The following EVI5 variants were observed in gnomAD, a reference collection of about 807,000 sequenced individuals.
EVI5 encodes the protein ecotropic viral integration site 5.
Under a neutral mutation model 112.0 loss-of-function variants are expected in EVI5, and 73 were observed. The observed-to-expected ratio is 0.65, with a 90% CI of 0.54 to 0.79. EVI5 has a LOEUF of 0.79. EVI5 is among the 30% of genes least tolerant of loss of function. EVI5 has a pLI of 0.00. For synonymous variants in EVI5, 305 were observed against 319.9 expected, an observed-to-expected ratio of 0.95 and a Z score of 0.50; for missense variants, 900 against 968.8, an observed-to-expected ratio of 0.93 and a Z score of 0.94.
chr1:92,545,249 T>A (rs1267495204), intron 19 of EVI5, among the ~76,000 whole-genome samples: 7 of 152,100 alleles, frequency 4.6e-5, no homozygotes, highest in Non-Finnish European at 8.8e-5. Context: ...ATTAATTAAT[T>A]TTTTAAAAGA....
intron 16 of EVI5, among the ~76,000 whole-genome samples, chr1:92,613,765 A>T (rs1453066985): frequency 4.0e-5 from 6 of 151,660 alleles, no homozygotes; most frequent in Admixed American, 1.3e-4. Flanking sequence ...ATTTTTAAAA[A>T]TTTTTATACA....
intron 1 of EVI5, among the ~76,000 whole-genome samples, chr1:92,775,891 G>C (rs1459383306): frequency 6.6e-6 from 1 of 152,116 alleles, no homozygotes; most frequent in Admixed American, 6.6e-5. Context: ...GGTGGATCAC[G>C]AGGTCAGGAG....
intron 9 of EVI5, among the ~76,000 whole-genome samples, chr1:92,687,775 CAT>C (rs1466947642): frequency 1.3e-5 from 2 of 152,182 alleles, no homozygotes; most frequent in South Asian, 2.1e-4. Context: ...AGCCAACAGA[CAT>C]GTGATAAAAT....
At chr1:92,738,817 A>C (rs1677868515) in intron 1 of EVI5, among the ~76,000 whole-genome samples, 1 of 152,080 alleles carries the variant, frequency 6.6e-6, no homozygotes, top group Admixed American at 6.6e-5. Flanking sequence ...TTTTTCCTTT[A>C]ATTTTACTTT....
At chr1:92,680,880 T>A (rs1231807076) in intron 9 of EVI5, among the ~76,000 whole-genome samples, 1 of 152,150 alleles carries the variant, frequency 6.6e-6, no homozygotes, top group Non-Finnish European at 1.5e-5. Flanking sequence ...GTACACTCTT[T>A]AAATATATCA....
intron 19 of EVI5, among the ~76,000 whole-genome samples, chr1:92,540,028 T>C (rs1269218357): frequency 6.6e-6 from 1 of 152,204 alleles, no homozygotes; most frequent in African/African-American, 2.4e-5. Context: ...AGCACTTGAT[T>C]CCTTTTATTG....
chr1:92,553,337 C>G (rs1210858184), intron 19 of EVI5, among the ~76,000 whole-genome samples: 2 of 131,128 alleles, frequency 1.5e-5, no homozygotes, highest in African/African-American at 5.8e-5. Flanking sequence ...GAGTCTCACT[C>G]TGCCACCCAG....
At chr1:92,783,410 T>C (rs1410547499) in intron 1 of EVI5, among the ~76,000 whole-genome samples, 1 of 142,282 alleles carries the variant, frequency 7.0e-6, no homozygotes, top group Non-Finnish European at 1.5e-5. Context: ...GATGTACGCC[T>C]GTAATCCCAG....
intron 1 of EVI5, among the ~76,000 whole-genome samples, chr1:92,782,275 AAAC>A (rs1684965416): frequency 1.3e-5 from 2 of 152,008 alleles, no homozygotes; most frequent in African/African-American, 2.4e-5. Flanking sequence ...AACAAACAAA[AAAC>A]ACACACACAC....
intron 16 of EVI5, among the ~76,000 whole-genome samples, chr1:92,620,878 G>A (rs373762774): frequency 1.3e-5 from 2 of 152,080 alleles, no homozygotes; most frequent in Admixed American, 6.5e-5. Context: ...AAACTTTAAT[G>A]CAAAATTAGT....
intron 1 of EVI5, among the ~76,000 whole-genome samples, chr1:92,767,617 T>C (rs1464832397): frequency 6.6e-6 from 1 of 152,248 alleles, no homozygotes; most frequent in African/African-American, 2.4e-5. Context: ...ATAAAATAAT[T>C]TTTTAAAGGT....
intron 19 of EVI5, among the ~76,000 whole-genome samples, chr1:92,548,064 A>T (rs1666085727): frequency 6.6e-6 from 1 of 152,230 alleles, no homozygotes; most frequent in Non-Finnish European, 1.5e-5. Context: ...TTTTAGACCA[A>T]TATCCCTGAT....
intron 3 of EVI5, 66 bp from the exon 4 acceptor site, chr1:92,703,685 C>T (rs1350441666): frequency 1.1e-6 from 1 of 937,822 alleles, no homozygotes; most frequent in East Asian, 2.7e-5. Context: ...CCAAGGAAGA[C>T]TTATTAGGGG....
At chr1:92,732,638 C>G (rs1220804031) in intron 2 of EVI5, 1 of 157,754 alleles carries the variant, frequency 6.3e-6, no homozygotes, top group East Asian at 1.9e-4. Context: ...CGGTGGCTCA[C>G]GTCTGTAATC....
At chr1:92,708,005 A>G (rs1254640243) in intron 2 of EVI5, among the ~76,000 whole-genome samples, 1 of 152,194 alleles carries the variant, frequency 6.6e-6, no homozygotes, top group East Asian at 1.9e-4. Flanking sequence ...AAAAGAGTAC[A>G]TACGATATGA....
intron 14 of EVI5, among the ~76,000 whole-genome samples, chr1:92,632,620 A>C (rs1657435397): frequency 6.6e-6 from 1 of 152,098 alleles, no homozygotes; most frequent in Non-Finnish European, 1.5e-5. Flanking sequence ...TTTTCAAAAA[A>C]CCAGCTCCTG....
chr1:92,671,746 A>G lies in EVI5; in HGVS notation c.1158+5412T>C, dbSNP rs566752057. Among the ~76,000 whole-genome samples, 27 of 151,096 alleles carry G rather than the reference A, an allele frequency of 1.8e-4. No individual in the cohort carries two copies. The South Asian group carries it at 5.7e-3, about 32-fold the overall frequency. On this transcript the variant is annotated intron_variant, in intron 10 of 19. Coordinates refer to ENST00000684568, the MANE Select transcript of EVI5 (RefSeq NM_001350197.2). ...TCTCTACATTCTAGCTGTCCACTTT[A>G]TATTTGAAATCTATTCAGAATCCAA...
intron 9 of EVI5, among the ~76,000 whole-genome samples, chr1:92,680,843 T>C (rs571556595): frequency 1.3e-5 from 2 of 152,264 alleles, no homozygotes; most frequent in South Asian, 4.1e-4. Context: ...ACTCAGACTT[T>C]GAGATTTTCT....
chr1:92,607,276 A>T (rs1650633922), intron 17 of EVI5, among the ~76,000 whole-genome samples: 1 of 152,174 alleles, frequency 6.6e-6, no homozygotes, highest in Non-Finnish European at 1.5e-5. Context: ...TCAAGCCATT[A>T]AAAGCTCTGG....
Sources: allele counts gnomAD v4.1 joint callset (sites outside exome capture counted in the v4.1 genomes callset), GRCh38; gene constraint gnomAD v4.1.1; transcripts MANE v1.5; gene names NCBI Gene and HGNC (gene_info 2026-07-23, HGNC 2026-07-21).